NAALADL2: variants seen among roughly 807,000 people sequenced by gnomAD.
The protein encoded by NAALADL2 is N-acetylated alpha-linked acidic dipeptidase like 2.
Under a neutral mutation model 87.2 loss-of-function variants are expected in NAALADL2, and 76 were observed. The observed-to-expected ratio is 0.87, with a 90% CI of 0.72 to 1.05. The LOEUF (loss-of-function observed/expected upper bound fraction) is 1.05. Among genes scored for constraint, NAALADL2 ranks in the 50% least tolerant of loss-of-function variants. The pLI, the probability that NAALADL2 is intolerant of heterozygous loss-of-function variation, is 0.00. For synonymous variants in NAALADL2, 354 were observed against 331.0 expected (o/e 1.07, Z -0.75); for missense variants, 1,089 against 945.8 (o/e 1.15, Z -1.99).
At chr3:175,383,630 T>C (rs1768038975) in intron 5 of NAALADL2, among the ~76,000 whole-genome samples, 1 of 151,998 alleles carries the variant, frequency 6.6e-6, no homozygotes, top group Non-Finnish European at 1.5e-5. Context: ...TTAATGTGTT[T>C]CTTGCCAATT....
chr3:175,052,847 A>T (rs1296896757), intron 1 of NAALADL2, among the ~76,000 whole-genome samples: 1 of 152,196 alleles, frequency 6.6e-6, no homozygotes, highest in Non-Finnish European at 1.5e-5. Flanking sequence ...CTATACTGCC[A>T]TGGTTCCAGA....
chr3:175,626,702 A>G (rs905289749), intron 10 of NAALADL2, among the ~76,000 whole-genome samples: 2 of 151,752 alleles, frequency 1.3e-5, no homozygotes, highest in African/African-American at 4.8e-5. Flanking sequence ...ATGCTTCTCC[A>G]TATACTTTTC....
At chr3:175,282,911 CTTTTT>C (rs77457477) in intron 4 of NAALADL2, among the ~76,000 whole-genome samples, 3 of 137,222 alleles carry the variant, frequency 2.2e-5, no homozygotes, top group Non-Finnish European at 4.8e-5. Flanking sequence ...TTTCTGTCTT[CTTTTT>C]TTTTTTTTTT....
intron 5 of NAALADL2, among the ~76,000 whole-genome samples, chr3:175,327,148 C>CTCTTTTTTTTTT (rs1760811308): frequency 1.0e-5 from 1 of 99,512 alleles, no homozygotes; most frequent in African/African-American, 4.2e-5. Flanking sequence ...GTCTACATTT[C>CTCTTTTTTTTTT]TTTTTTTTTT....
At chr3:175,737,592 A>C (rs2150083032) in intron 12 of NAALADL2, among the ~76,000 whole-genome samples, 193 bp downstream of exon 12, 1 of 152,276 alleles carries the variant, frequency 6.6e-6, no homozygotes, top group South Asian at 2.1e-4. Context: ...CGGATGTGTA[A>C]GCATAATGGA....
intron 11 of NAALADL2, among the ~76,000 whole-genome samples, chr3:175,683,654 A>G (rs2149890184): frequency 6.6e-6 from 1 of 152,102 alleles, no homozygotes; most frequent in Non-Finnish European, 1.5e-5. Context: ...TCCATAGAAA[A>G]CACACAATAT....
chr3:174,710,248 T>C (rs1730490847), intron 2 of NAALADL2, among the ~76,000 whole-genome samples: 1 of 150,788 alleles, frequency 6.6e-6, no homozygotes. Flanking sequence ...TTTTTTTCTT[T>C]TTCTTTTCTT....
intron 4 of NAALADL2, among the ~76,000 whole-genome samples, chr3:175,285,369 T>A (rs1754855094): frequency 1.3e-5 from 2 of 152,156 alleles, no homozygotes; most frequent in Admixed American, 6.5e-5. Context: ...TGAAATGTCA[T>A]CATCAGTACT....
At chr3:174,694,839 A>G (rs1387202620) in intron 2 of NAALADL2, among the ~76,000 whole-genome samples, 2 of 152,068 alleles carry the variant, frequency 1.3e-5, no homozygotes, top group Non-Finnish European at 2.9e-5. Flanking sequence ...GCATGTTTAT[A>G]GCAGGTGTAA....
chr3:175,604,232 T>C lies in NAALADL2; in HGVS notation c.1801-23059T>C, dbSNP rs115617010. Reference sequence around the variant, plus strand: ...ATATTTTCATAGTTATATTTTTTCATAGTAGCATCGTAATAAGTGTGAGGT... The same window carrying C: ...ATATTTTCATAGTTATATTTTTTCACAGTAGCATCGTAATAAGTGTGAGGT... On this transcript the variant is annotated intron_variant, in intron 10 of 13. Transcript: ENST00000454872. Among the ~76,000 whole-genome samples, 913 of 152,064 alleles carry C rather than the reference T, an allele frequency of 6.0e-3. 6 individuals carry two copies. Among genetic ancestry groups the C allele is most frequent in the African/African-American group, 0.021 (857 of 41,496 alleles).
chr3:175,561,359 A>G (rs995857592), intron 9 of NAALADL2, among the ~76,000 whole-genome samples: 1 of 152,204 alleles, frequency 6.6e-6, no homozygotes, highest in East Asian at 1.9e-4. Flanking sequence ...CAAGGAAAAA[A>G]AGTCTGTACA....
intron 1 of NAALADL2, among the ~76,000 whole-genome samples, chr3:174,875,149 T>C (rs112244392): frequency 6.3e-5 from 9 of 143,384 alleles, no homozygotes; most frequent in African/African-American, 2.3e-4. Flanking sequence ...AAAATCACGA[T>C]TGGCGAAAAA....
intron 1 of NAALADL2, among the ~76,000 whole-genome samples, chr3:174,965,425 T>G (rs1742727399): frequency 6.6e-6 from 1 of 152,170 alleles, no homozygotes. Flanking sequence ...TATGGAAAAT[T>G]AGTTCCCACC....
chr3:174,555,354 C>A (rs1439624680), intron 2 of NAALADL2, among the ~76,000 whole-genome samples: 1 of 152,166 alleles, frequency 6.6e-6, no homozygotes, highest in African/African-American at 2.4e-5. Context: ...GCCTGGAGTG[C>A]AATGGCGCGA....
At chr3:174,815,105 T>C (rs1720646351) in intron 3 of NAALADL2, among the ~76,000 whole-genome samples, 1 of 152,212 alleles carries the variant, frequency 6.6e-6, no homozygotes, top group South Asian at 2.1e-4. Context: ...GTTCTAGTTT[T>C]ATAGCATCCT....
In NAALADL2 at chr3:175,201,975, A is replaced by G. The variant is rs1006000920; in HGVS notation, c.546-31956A>G. Among the ~76,000 whole-genome samples, 11 of 152,280 alleles carry G rather than the reference A, an allele frequency of 7.2e-5. No individual in the cohort carries two copies. The East Asian group carries it at 1.7e-3, about 24-fold the overall frequency. On this transcript the variant is annotated intron_variant, in intron 2 of 13. Coordinates refer to ENST00000454872, the MANE Select transcript of NAALADL2 (RefSeq NM_207015.3). ...CTTTATGTATCACTTACATGGTACT[A>G]TCATGTTTTAAGCACTTTACAAATA...
intron 1 of NAALADL2, among the ~76,000 whole-genome samples, chr3:174,522,613 T>C (rs1720378093): frequency 6.6e-6 from 1 of 152,044 alleles, no homozygotes; most frequent in Non-Finnish European, 1.5e-5. Context: ...CAGTCCAGCC[T>C]GGGCGACAGA....
At chr3:174,966,721 A>G (rs1423721817) in intron 1 of NAALADL2, among the ~76,000 whole-genome samples, 1 of 152,190 alleles carries the variant, frequency 6.6e-6, no homozygotes, top group Admixed American at 6.5e-5. Flanking sequence ...GTAGATGTCC[A>G]GTAGGCAACT....
rs779718357 is a variant in NAALADL2, at chr3:175,806,420, G to C, written c.*3217G>C. On this transcript the variant is annotated 3_prime_UTR_variant, in exon 14 of 14. Transcript: ENST00000454872. ...ACAGGGCTAGGAATCTACATCTTCA[G>C]CAAGATTTCTGGATGTCTGTTACAC... 8 of 151,928 alleles carry C rather than the reference G, an allele frequency of 5.3e-5. No individual in the cohort carries two copies. Among genetic ancestry groups the C allele is most frequent in the Non-Finnish European group, 8.8e-5 (6 of 67,916 alleles). 9.4% of individuals were successfully genotyped at this position (151,928 alleles called of 1,614,324 possible).
Sources: gnomAD v4.1 joint callset for allele counts (sites outside exome capture counted in the v4.1 genomes callset) on GRCh38, gnomAD v4.1.1 for gene constraint, MANE v1.5 for transcripts, NCBI Gene and HGNC (gene_info 2026-07-23, HGNC 2026-07-21) for gene names.